The following PARD3B variants were observed in gnomAD, a reference collection of about 807,000 sequenced individuals.
PARD3B encodes the protein par-3 family cell polarity regulator beta.
PARD3B carries 103 observed loss-of-function variants against 130.2 expected under a neutral mutation model. The observed-to-expected ratio is 0.79, with a 90% CI of 0.67 to 0.93. The LOEUF is 0.93. PARD3B is among the 40% of genes least tolerant of loss of function. PARD3B has a pLI of 0.00. For missense variants in PARD3B, 1,609 were observed against 1,499.2 expected, an observed-to-expected ratio of 1.07 and a Z score of -1.21; for synonymous variants, 583 against 553.2, an observed-to-expected ratio of 1.05 and a Z score of -0.76.
At chr2:205,006,990 T>A (rs999654193) in intron 3 of PARD3B, among the ~76,000 whole-genome samples, 7 of 152,336 alleles carry the variant, frequency 4.6e-5, no homozygotes, top group African/African-American at 1.4e-4. Flanking sequence ...TTAGGCTTTG[T>A]GTTCTAACCC....
rs150253411 is a variant in PARD3B at position 204,867,709 on chromosome 2, G to T, written c.223-97443G>T. Among the ~76,000 whole-genome samples the T allele has an allele frequency of 2.0e-5, 3 of 152,100 alleles. No individual in the cohort carries two copies. In the East Asian group the frequency reaches 5.8e-4, roughly 29 times the overall value. ...AATCCCTGACCATTTTATGTGTTTT[G>T]CCACTTCATTTCATATAGCTTCTTT... On this transcript the variant is annotated intron_variant, in intron 2 of 22. Transcript: ENST00000406610.
intron 21 of PARD3B, among the ~76,000 whole-genome samples, chr2:205,501,884 A>T (rs1357857774): frequency 6.6e-6 from 1 of 152,068 alleles, no homozygotes; most frequent in Non-Finnish European, 1.5e-5. Flanking sequence ...TAACCAGACC[A>T]TCTAGTGAGT....
chr2:204,573,239 T>G (rs1307292551), intron 1 of PARD3B, among the ~76,000 whole-genome samples: 1 of 152,224 alleles, frequency 6.6e-6, no homozygotes, highest in Non-Finnish European at 1.5e-5. Flanking sequence ...TCATAACTAG[T>G]TTTCACTCTT....
intron 2 of PARD3B, among the ~76,000 whole-genome samples, chr2:204,795,332 T>A (rs1345768198): frequency 6.6e-6 from 1 of 152,138 alleles, no homozygotes; most frequent in East Asian, 1.9e-4. Context: ...ACAGGAAGGG[T>A]CTGTGAGTCA....
chr2:204,820,070 A>AC (rs1559170815), intron 2 of PARD3B, among the ~76,000 whole-genome samples: 1 of 86,298 alleles, frequency 1.2e-5, no homozygotes, highest in African/African-American at 6.4e-5. Flanking sequence ...TAAACAATAG[A>AC]CTTTTTTTTT....
intron 16 of PARD3B, among the ~76,000 whole-genome samples, chr2:205,289,596 C>A (rs560801951): frequency 6.6e-6 from 1 of 152,180 alleles, no homozygotes; most frequent in Admixed American, 6.5e-5. Flanking sequence ...TTGAGTGTGT[C>A]CCCAACAAGT....
chr2:204,898,271 T>C (rs2046717699), intron 2 of PARD3B, among the ~76,000 whole-genome samples: 1 of 152,074 alleles, frequency 6.6e-6, no homozygotes, highest in African/African-American at 2.4e-5. Flanking sequence ...AAATGGAGTA[T>C]CCATCCCTTG....
chr2:204,956,161 A>C (rs1181082285), intron 2 of PARD3B, among the ~76,000 whole-genome samples: 1 of 152,204 alleles, frequency 6.6e-6, no homozygotes, highest in Non-Finnish European at 1.5e-5. Context: ...CTTAGGTTCC[A>C]ATAAGTTATT....
chr2:205,184,043 C>T (rs921571770), intron 13 of PARD3B, among the ~76,000 whole-genome samples: 8 of 152,132 alleles, frequency 5.3e-5, no homozygotes, highest in African/African-American at 1.4e-4. Flanking sequence ...GGAATTCTCT[C>T]TTATTCAGGA....
At chr2:204,738,893 C>G (rs906075274) in intron 2 of PARD3B, among the ~76,000 whole-genome samples, 3 of 152,136 alleles carry the variant, frequency 2.0e-5, no homozygotes, top group Non-Finnish European at 2.9e-5. Flanking sequence ...TAAATAGTCT[C>G]TCTGGTTTAA....
chr2:204,760,442 T>A (rs1218553050), intron 2 of PARD3B, among the ~76,000 whole-genome samples: 2 of 152,102 alleles, frequency 1.3e-5, no homozygotes, highest in Non-Finnish European at 2.9e-5. Context: ...GCTTATATAA[T>A]GAAAAACTGA....
chr2:204,981,585 T>TA (rs1692671637), intron 3 of PARD3B, among the ~76,000 whole-genome samples: 1 of 152,190 alleles, frequency 6.6e-6, no homozygotes, highest in African/African-American at 2.4e-5. Context: ...ATTGGACACT[T>TA]AACTATCTAC....
chr2:205,304,286 C>T (rs745403702), intron 18 of PARD3B, among the ~76,000 whole-genome samples: 1 of 152,120 alleles, frequency 6.6e-6, no homozygotes, highest in Non-Finnish European at 1.5e-5. Flanking sequence ...CTGCTATCAC[C>T]TGGGGTGAGG....
At chr2:205,248,630 A>G (rs1336444914) in intron 16 of PARD3B, among the ~76,000 whole-genome samples, 3 of 92,876 alleles carry the variant, frequency 3.2e-5, no homozygotes, top group East Asian at 6.3e-4. Context: ...TTTTTTTGAG[A>G]CGGAGTGGCT....
chr2:205,197,610 T>A (rs780892053), intron 15 of PARD3B, among the ~76,000 whole-genome samples: 1 of 152,160 alleles, frequency 6.6e-6, no homozygotes, highest in African/African-American at 2.4e-5. Flanking sequence ...GTGGTCACAT[T>A]TAAATCAGAA....
chr2:205,219,465 A>T (rs73982832), intron 15 of PARD3B, among the ~76,000 whole-genome samples: 2 of 152,340 alleles, frequency 1.3e-5, no homozygotes, highest in African/African-American at 4.8e-5. Context: ...ATTACACAGT[A>T]GTAGCCCTGG....
intron 2 of PARD3B, among the ~76,000 whole-genome samples, chr2:204,741,063 C>A (rs1488338709): frequency 6.6e-6 from 1 of 152,000 alleles, no homozygotes; most frequent in African/African-American, 2.4e-5. Flanking sequence ...AAATAATTGG[C>A]ATCAATTTGA....
At chr2:204,868,919 A>G (rs1328389791) in intron 2 of PARD3B, among the ~76,000 whole-genome samples, 1 of 152,138 alleles carries the variant, frequency 6.6e-6, no homozygotes, top group East Asian at 1.9e-4. Flanking sequence ...TTTGTACTTA[A>G]AAGCCAACAA....
rs1015174051 is a variant in PARD3B, at chr2:205,150,794, G to A, written c.1435-7928G>A. On this transcript the variant is annotated intron_variant, in intron 10 of 22. Coordinates refer to ENST00000406610, the MANE Select transcript of PARD3B (RefSeq NM_001302769.2). Reference sequence around the variant, plus strand: ...CACAAGGATACAGTATAGTATGGCAGTGAAGAGTCTGACAGTTGAACTCAC... The same window carrying A: ...CACAAGGATACAGTATAGTATGGCAATGAAGAGTCTGACAGTTGAACTCAC... Among the ~76,000 whole-genome samples, 4 of 152,174 alleles carry A rather than the reference G, an allele frequency of 2.6e-5. 1 individual carries two copies. The highest frequency in any genetic ancestry group is 2.0e-4 in the Admixed American group (3 of 15,266).
Sources: gnomAD v4.1 joint callset for allele counts (sites outside exome capture counted in the v4.1 genomes callset) on GRCh38, gnomAD v4.1.1 for gene constraint, MANE v1.5 for transcripts, NCBI Gene and HGNC (gene_info 2026-07-23, HGNC 2026-07-21) for gene names.